USP8: variants seen among roughly 807,000 people sequenced by gnomAD.
USP8 encodes ubiquitin carboxyl-terminal hydrolase 8.
In USP8, 27 loss-of-function variants were observed where a neutral mutation model predicts 130.0. The observed-to-expected ratio is 0.21, with a 90% CI of 0.15 to 0.29. The LOEUF (loss-of-function observed/expected upper bound fraction) is 0.29, where lower values mean the gene tolerates loss of function less well. USP8 is among the 10% of genes least tolerant of loss of function. The pLI is 1.00. For missense variants in USP8, 1,029 were observed against 1,312.2 expected, an observed-to-expected ratio of 0.78 and a Z score of 3.33; for synonymous variants, 392 against 444.1, an observed-to-expected ratio of 0.88 and a Z score of 1.48.
intron 15 of USP8, 41 bp from the exon 16 acceptor site, chr15:50,494,029 A>T: frequency 6.3e-7 from 1 of 1,589,244 alleles, no homozygotes; most frequent in Non-Finnish European, 8.6e-7. Flanking sequence ...TAACTTTTAA[A>T]TTTCCTTTAT....
chr15:50,468,599 A>G (rs1477533778), intron 7 of USP8, among the ~76,000 whole-genome samples: 1 of 152,118 alleles, frequency 6.6e-6, no homozygotes, highest in Non-Finnish European at 1.5e-5. Context: ...GGTTTGTTAC[A>G]TAGGTAAACG....
chr15:50,479,215 T>C (rs1427071887), intron 10 of USP8, among the ~76,000 whole-genome samples: 1 of 152,192 alleles, frequency 6.6e-6, no homozygotes, highest in Non-Finnish European at 1.5e-5. Context: ...AAGGAGAATA[T>C]TCTAGCTGAG....
intron 8 of USP8, among the ~76,000 whole-genome samples, chr15:50,472,005 A>T (rs563085755): frequency 1.3e-5 from 2 of 150,744 alleles, no homozygotes; most frequent in East Asian, 4.0e-4. Context: ...GGTTCAAGCG[A>T]TTCTCCTGCC....
intron 8 of USP8, 108 bp from the exon 9 acceptor site, chr15:50,476,741 G>C: frequency 8.3e-7 from 1 of 1,202,836 alleles, no homozygotes; most frequent in South Asian, 2.1e-5. Context: ...TCATTATTTA[G>C]AAGATAAATT....
chr15:50,425,023 TC>T (rs2049664301), intron 1 of USP8, among the ~76,000 whole-genome samples: 2 of 151,924 alleles, frequency 1.3e-5, no homozygotes, highest in African/African-American at 2.4e-5. Flanking sequence ...AAAAGTGCCT[TC>T]CATCCTAGAG....
At chr15:50,476,732 C>A in intron 8 of USP8, 117 bp from the exon 9 acceptor site, 2 of 1,129,824 alleles carry the variant, frequency 1.8e-6, no homozygotes, top group Non-Finnish European at 2.4e-6. Context: ...CTCATTTTGT[C>A]ATTATTTAGA....
rs2052685124 is a variant in USP8 at position 50,507,950 on chromosome 15, A to G, written c.*8862A>G. The G allele has an allele frequency of 6.6e-6, 1 of 151,788 alleles. No homozygotes were observed. Among genetic ancestry groups the G allele is most frequent in the African/African-American group, 2.4e-5 (1 of 41,282 alleles). 9.4% of individuals were successfully genotyped at this position (151,788 alleles called of 1,614,324 possible). A position where few individuals can be genotyped will look rare whatever the true frequency, so the allele number is the denominator to read the frequency against. ...CTGGGCATGGTGTCGGCTGCCTGTA[A>G]TCCCAGCTACTGAGGAGGCTGAAGC... On this transcript the variant is annotated 3_prime_UTR_variant, in exon 20 of 20. Transcript: ENST00000307179.
chr15:50,444,110 T>G (rs1007328216), intron 3 of USP8, among the ~76,000 whole-genome samples: 33 of 149,656 alleles, frequency 2.2e-4, no homozygotes, highest in African/African-American at 7.3e-4. Context: ...TTTTTTTTTT[T>G]TTTTTTTTTT....
chr15:50,453,906 AGGCTGGAGTGCAGTGGCATGATCTT>A (rs2050706630), intron 4 of USP8, among the ~76,000 whole-genome samples: 1 of 124,388 alleles, frequency 8.0e-6, no homozygotes, highest in Non-Finnish European at 1.6e-5. Flanking sequence ...ACTGTCCTGA[AGGCTGGAGTGCAGTGGCATGATCTT>A]GGCTCACTGC....
rs111229167 is a variant in USP8, at chr15:50,492,509, C to A, written c.2235-192C>A. 3.6e-3 allele frequency among the ~76,000 whole-genome samples: 544 copies of A among 152,286 alleles called. 5 individuals are homozygous for A. Among genetic ancestry groups the A allele is most frequent in the African/African-American group, 0.012 (516 of 41,550 alleles). Reference sequence around the variant, plus strand: ...ATGTGTTTCATGGGAAGGTCTGAGACCTTAGTCGTATGACTAATGTTAACC... The same window carrying A: ...ATGTGTTTCATGGGAAGGTCTGAGAACTTAGTCGTATGACTAATGTTAACC... On this transcript the variant is annotated intron_variant, in intron 14 of 19. Coordinates refer to ENST00000307179, the MANE Select transcript of USP8 (RefSeq NM_005154.5).
Position 50,444,059 on chromosome 15 carries a change from T to C in USP8, c.249+2566T>C, listed in dbSNP as rs114863477. Among the ~76,000 whole-genome samples the C allele has an allele frequency of 6.2e-3, 937 of 151,898 alleles. 14 individuals carry two copies. Among genetic ancestry groups the C allele is most frequent in the African/African-American group, 0.022 (901 of 41,394 alleles). Reference sequence around the variant, plus strand: ...GAAAGTCTTAAAATTTGGATAACTTTGGTAGTTTTGTTGTTTGCTGTTTTG... The same window carrying C: ...GAAAGTCTTAAAATTTGGATAACTTCGGTAGTTTTGTTGTTTGCTGTTTTG... On this transcript the variant is annotated intron_variant, in intron 3 of 19. Coordinates refer to ENST00000307179, the MANE Select transcript of USP8 (RefSeq NM_005154.5).
Position 50,513,518 on chromosome 15 carries a change from T to TTAA in USP8, c.*14430_*14431insTAA, listed in dbSNP as rs1172982929. The TTAA allele has an allele frequency of 2.3e-5, 2 of 85,980 alleles. No individual in the cohort carries two copies. Among genetic ancestry groups the TTAA allele is most frequent in the African/African-American group, 9.0e-5 (2 of 22,282 alleles). The allele number at this position is 85,980 out of a possible 1,614,324, so 5.3% of individuals were successfully genotyped here. A position where few individuals can be genotyped will look rare whatever the true frequency, so the allele number is the denominator to read the frequency against. The stretch of plus-strand genomic sequence containing the variant: ...AGTTCGAGACAAGAGCGAAACTGTC[T>TTAA]AAAAAAAAAAAAAAAAAAAAGAGTG... On this transcript the variant is annotated 3_prime_UTR_variant, in exon 20 of 20. Transcript: ENST00000307179.
intron 16 of USP8, among the ~76,000 whole-genome samples, chr15:50,495,482 T>TGGGG (rs1555392675): frequency 1.5e-4 from 16 of 104,826 alleles, no homozygotes; most frequent in African/African-American, 5.1e-4. Context: ...TTAGTAGAGA[T>TGGGG]TGGAGGGGGG....
At position 50,465,111 on chromosome 15, in the gene USP8, G is replaced by C; in HGVS notation, c.606G>C (p.Met202Ile). Residue 202 changes from methionine to isoleucine, a missense_variant, in exon 7 of 20, where the codon ATG becomes ATC. Transcript: ENST00000307179. ...ATAAAAACATCAGCTTGATTATAAT[G>C]GATGCTCGAAGAATGCAGGATTATC... Reference protein sequence around the residue: ...MTDKNISLIIMDARRMQDYQD... With the variant: ...MTDKNISLIIIDARRMQDYQD... The C allele has an allele frequency of 6.2e-7, 1 of 1,614,030 alleles. No homozygotes were observed. The highest frequency in any genetic ancestry group is 8.5e-7 in the Non-Finnish European group (1 of 1,179,984).
At chr15:50,454,686 C>CTCAG (rs946780358) in intron 4 of USP8, among the ~76,000 whole-genome samples, 3 of 152,098 alleles carry the variant, frequency 2.0e-5, no homozygotes, top group African/African-American at 7.2e-5. Flanking sequence ...AACTCCTGAC[C>CTCAG]TCAGGTGATC....
intron 4 of USP8, 145 bp downstream of exon 4, chr15:50,449,630 G>A: frequency 4.6e-6 from 2 of 438,766 alleles, no homozygotes; most frequent in Non-Finnish European, 7.4e-6. Flanking sequence ...CGCCCATGCT[G>A]GAGTGCAGTG....
chr15:50,454,789 T>C (rs1007169982), intron 4 of USP8, among the ~76,000 whole-genome samples: 1 of 152,080 alleles, frequency 6.6e-6, no homozygotes, highest in African/African-American at 2.4e-5. Flanking sequence ...TTTCATCCTT[T>C]TTTTCTTTTG....
Position 50,500,665 on chromosome 15 carries a change from T to C in USP8, c.*1577T>C. ...CCATTTTCCTGGCTCTTAACGCTTT[T>C]GTATTGGTATGGAAAAGGGCTGGCA... On this transcript the variant is annotated 3_prime_UTR_variant, in exon 20 of 20. Coordinates refer to ENST00000307179, the MANE Select transcript of USP8 (RefSeq NM_005154.5). 1 of 1,123,984 alleles carries C rather than the reference T, an allele frequency of 8.9e-7. No homozygotes were observed. Among genetic ancestry groups the C allele is most frequent in the Non-Finnish European group, 1.3e-6 (1 of 766,030 alleles). The allele number at this position is 1,123,984 out of a possible 1,614,324, so 69.6% of individuals were successfully genotyped here.
intron 7 of USP8, among the ~76,000 whole-genome samples, chr15:50,471,112 C>T (rs192297330): frequency 5.5e-4 from 84 of 152,220 alleles, no homozygotes; most frequent in African/African-American, 1.8e-3. Flanking sequence ...TAATAATGTT[C>T]GTCTTACAGG....
Sources: gnomAD v4.1 joint callset for allele counts (sites outside exome capture counted in the v4.1 genomes callset) on GRCh38, gnomAD v4.1.1 for gene constraint, MANE v1.5 for transcripts, NCBI Gene and HGNC (gene_info 2026-07-23, HGNC 2026-07-21) for gene names.